Variants in MIGA1 observed in about 807,000 individuals in gnomAD.
MIGA1 encodes mitoguardin 1.
MIGA1 carries 58 observed loss-of-function variants against 82.0 expected under a neutral mutation model. That is an observed-to-expected ratio of 0.71 (90% confidence interval 0.57 to 0.88). The LOEUF (loss-of-function observed/expected upper bound fraction) is 0.88, where lower values mean the gene tolerates loss of function less well. Ranked by LOEUF, MIGA1 falls within the 40% of genes least tolerant of loss-of-function variation. The pLI is 0.00. For missense variants in MIGA1, 751 were observed against 749.1 expected (o/e 1.00, Z -0.03); for synonymous variants, 249 against 253.6 (o/e 0.98, Z 0.17).
chr1:77,831,885 A>T (rs1684258592), intron 7 of MIGA1, among the ~76,000 whole-genome samples: 1 of 152,182 alleles, frequency 6.6e-6, no homozygotes, highest in Admixed American at 6.5e-5. Context: ...ACAACACCAA[A>T]AAAGTAAACC....
At chr1:77,850,383 C>T (rs1241152137) in intron 8 of MIGA1, among the ~76,000 whole-genome samples, 1 of 152,112 alleles carries the variant, frequency 6.6e-6, no homozygotes, top group Admixed American at 6.6e-5. Flanking sequence ...ATTGAAGACC[C>T]AATTTGGAGG....
intron 7 of MIGA1, among the ~76,000 whole-genome samples, chr1:77,836,783 G>A (rs989494275): frequency 1.1e-4 from 16 of 152,218 alleles, no homozygotes; most frequent in African/African-American, 3.1e-4. Flanking sequence ...CATACCCTCA[G>A]ATAAAGCAGT....
intron 12 of MIGA1, among the ~76,000 whole-genome samples, chr1:77,862,932 CTCTG>C (rs1247928997): frequency 6.7e-6 from 1 of 150,268 alleles, no homozygotes; most frequent in African/African-American, 2.5e-5. Flanking sequence ...CAGAGCAAGA[CTCTG>C]TCTCAGAAGC....
intron 11 of MIGA1, 142 bp from the exon 12 acceptor site, chr1:77,861,082 G>C: frequency 5.3e-6 from 3 of 567,842 alleles, no homozygotes; most frequent in Non-Finnish European, 9.2e-6. Flanking sequence ...TAGTAAACCA[G>C]ATAAATTTGG....
chr1:77,858,731 A>T (rs1685352935), intron 8 of MIGA1, among the ~76,000 whole-genome samples: 1 of 151,938 alleles, frequency 6.6e-6, no homozygotes, highest in African/African-American at 2.4e-5. Flanking sequence ...TGATCTTCCC[A>T]CCTCAATCTC....
At chr1:77,805,414 T>C (rs1683055031) in intron 4 of MIGA1, among the ~76,000 whole-genome samples, 2 of 151,416 alleles carry the variant, frequency 1.3e-5, no homozygotes, top group East Asian at 3.9e-4. Flanking sequence ...CTACAGACTT[T>C]CAGTTTCTCT....
At chr1:77,802,043 T>A (rs1014051994) in intron 3 of MIGA1, among the ~76,000 whole-genome samples, 4 of 152,212 alleles carry the variant, frequency 2.6e-5, no homozygotes, top group African/African-American at 7.2e-5. Context: ...TTCCTTAGTA[T>A]GTAGAGTTCA....
chr1:77,838,828 A>G (rs1290239275), intron 7 of MIGA1, among the ~76,000 whole-genome samples: 2 of 152,214 alleles, frequency 1.3e-5, no homozygotes, highest in African/African-American at 2.4e-5. Flanking sequence ...AGTGAATTTA[A>G]TAATAGTTTT....
At chr1:77,781,178 G>A (rs927328288) in intron 1 of MIGA1, among the ~76,000 whole-genome samples, 4 of 151,880 alleles carry the variant, frequency 2.6e-5, no homozygotes, top group African/African-American at 9.7e-5. Context: ...CAAAATGCTG[G>A]GATTACAGGC....
At chr1:77,853,446 C>T (rs1197806673) in intron 8 of MIGA1, 5 of 161,598 alleles carry the variant, frequency 3.1e-5, no homozygotes, top group Non-Finnish European at 5.4e-5. Flanking sequence ...GGAGGCATTA[C>T]GGCTGGGCAC....
chr1:77,816,199 C>G (rs1468025359), intron 7 of MIGA1, among the ~76,000 whole-genome samples: 1 of 152,158 alleles, frequency 6.6e-6, no homozygotes, highest in East Asian at 1.9e-4. Flanking sequence ...CCACCTCAGC[C>G]TCCCAAAGTG....
At chr1:77,847,165 C>T in intron 8 of MIGA1, 1 of 1,274,872 alleles carries the variant, frequency 7.8e-7, no homozygotes, top group Non-Finnish European at 1.1e-6. Context: ...ACAGCAGTTG[C>T]ATCCTGTTTT....
chr1:77,801,308 A>T (rs1350140996), intron 2 of MIGA1, 23 bp from the exon 3 acceptor site: 1 of 1,518,364 alleles, frequency 6.6e-7, no homozygotes, highest in Non-Finnish European at 8.8e-7. Context: ...GATTTTTTTC[A>T]ATTTTAACTG....
intron 7 of MIGA1, among the ~76,000 whole-genome samples, chr1:77,834,355 A>G (rs1440342769): frequency 6.6e-6 from 1 of 151,866 alleles, no homozygotes; most frequent in African/African-American, 2.4e-5. Flanking sequence ...TTTTTATTTT[A>G]TATAGAGATG....
chr1:77,819,444 C>T (rs1232456740), intron 7 of MIGA1, among the ~76,000 whole-genome samples: 1 of 151,138 alleles, frequency 6.6e-6, no homozygotes, highest in African/African-American at 2.4e-5. Context: ...CCACCATGCC[C>T]AGCTAGTTTT....
intron 4 of MIGA1, among the ~76,000 whole-genome samples, chr1:77,803,691 G>A (rs1239511058): frequency 6.6e-6 from 1 of 152,066 alleles, no homozygotes; most frequent in Admixed American, 6.5e-5. Context: ...ACTTATTTGT[G>A]GGAGCTAAAA....
intron 8 of MIGA1, chr1:77,848,911 A>G (rs1684941938): frequency 1.8e-6 from 1 of 559,102 alleles, no homozygotes; most frequent in Non-Finnish European, 2.9e-6. Flanking sequence ...AGGGCATTTT[A>G]AAATTTATTT....
At chr1:77,857,681 C>T (rs1685312867) in intron 8 of MIGA1, among the ~76,000 whole-genome samples, 1 of 150,370 alleles carries the variant, frequency 6.7e-6, no homozygotes, top group Admixed American at 6.6e-5. Context: ...CTGTTTCTTC[C>T]AAACAAAACA....
Position 77,875,565 on chromosome 1 carries a change from A to G in MIGA1, c.*501A>G, listed in dbSNP as rs1646887653. The G allele has an allele frequency of 6.4e-6, 1 of 157,232 alleles. No individual in the cohort carries two copies. The highest frequency in any genetic ancestry group is 1.9e-4 in the South Asian group (1 of 5,338). 9.7% of individuals were successfully genotyped at this position (157,232 alleles called of 1,614,324 possible). A position where few individuals can be genotyped will look rare whatever the true frequency, so the allele number is the denominator to read the frequency against. On this transcript the variant is annotated 3_prime_UTR_variant, in exon 16 of 16. Transcript: ENST00000370791. ...TCAAGTTTAGGCAGTAATGATGTTT[A>G]ATATGTACTGCATACATTATTGCTT...
Sources: allele counts gnomAD v4.1 joint callset (sites outside exome capture counted in the v4.1 genomes callset), GRCh38; gene constraint gnomAD v4.1.1; transcripts MANE v1.5; gene names NCBI Gene and HGNC (gene_info 2026-07-23, HGNC 2026-07-21).